Variants in RIPK2 observed in about 807,000 individuals in gnomAD.
RIPK2 encodes the protein receptor interacting serine/threonine kinase 2.
In RIPK2, 38 loss-of-function variants were observed where a neutral mutation model predicts 60.9. The observed-to-expected ratio is 0.62, with a 90% confidence interval of 0.48 to 0.82. RIPK2 has a LOEUF of 0.82. Among genes scored for constraint, RIPK2 ranks in the 40% least tolerant of loss-of-function variants. The pLI, the probability that RIPK2 is intolerant of heterozygous loss-of-function variation, is 0.00. For missense variants in RIPK2, 518 were observed against 647.0 expected, an observed-to-expected ratio of 0.80 and a Z score of 2.16; for synonymous variants, 225 against 223.4, an observed-to-expected ratio of 1.01 and a Z score of -0.06.
Position 89,780,091 on chromosome 8 carries a change from T to G in RIPK2, c.870T>G (p.Leu290=), listed in dbSNP as rs758984676. Residue 290 remains leucine, a synonymous_variant, in exon 7 of 11, where the codon CTT becomes CTG. Transcript: ENST00000220751. ...CTTATGTAGAATGTTTAATAGAACTTGAACCAGTTTTGAGAACATTTGAAG... is the reference window on the plus strand; with the variant it reads ...CTTATGTAGAATGTTTAATAGAACTGGAACCAGTTTTGAGAACATTTGAAG... The part of the protein sequence containing the change: ...RPSFLKCLIE[L]EPVLRTFEEI... 6.4e-7 allele frequency: 1 copy of G among 1,551,242 alleles called. No individual in the cohort carries two copies. Among genetic ancestry groups the G allele is most frequent in the South Asian group, 1.2e-5 (1 of 84,964 alleles).
At chr8:89,766,958 T>C in intron 3 of RIPK2, among the ~76,000 whole-genome samples, 1 of 151,778 alleles carries the variant, frequency 6.6e-6, no homozygotes, top group African/African-American at 2.4e-5. Context: ...TAGTTTGTCT[T>C]TTCATCCTTT....
At chr8:89,770,340 T>C (rs1307811501) in intron 4 of RIPK2, among the ~76,000 whole-genome samples, 2 of 151,886 alleles carry the variant, frequency 1.3e-5, no homozygotes, top group Non-Finnish European at 2.9e-5. Context: ...ACTGGGGATA[T>C]TTCTATTTAA....
Position 89,758,171 on chromosome 8 carries a change from C to T in RIPK2, c.111C>T (p.His37=), listed in dbSNP as rs201130149. ...GASGTVSSAR[H]ADWRVQVAVK... is the part of the protein sequence containing the mutation. ...CTGGCACTGTGTCGTCCGCCCGCCA[C>T]GCAGACTGGCGCGTCCAGGTGGCCG... Residue 37 remains histidine (H), a synonymous_variant, in exon 1 of 11, where the codon CAC becomes CAT. Transcript: ENST00000220751. 6.2e-7 allele frequency: 1 copy of T among 1,609,976 alleles called. No individual in the cohort carries two copies. Among genetic ancestry groups the T allele is most frequent in the Non-Finnish European group, 8.5e-7 (1 of 1,178,712 alleles).
chr8:89,771,827 C>T, intron 5 of RIPK2, 37 bp downstream of exon 5: 3 of 1,300,962 alleles, frequency 2.3e-6, no homozygotes, highest in Non-Finnish European at 3.3e-6. Flanking sequence ...TCAATAACAT[C>T]ATGTTAGTAG....
intron 9 of RIPK2, among the ~76,000 whole-genome samples, chr8:89,787,662 G>T (rs1360435069): frequency 6.6e-6 from 1 of 152,212 alleles, no homozygotes; most frequent in East Asian, 1.9e-4. Context: ...ATATCATCAA[G>T]AATTCTAACT....
rs1191080632 is a variant in RIPK2 at position 89,790,401 on chromosome 8, A to G, written c.1608A>G (p.Gln536=). 3 of 1,594,288 alleles carry G rather than the reference A, an allele frequency of 1.9e-6. No homozygotes were observed. Among genetic ancestry groups the G allele is most frequent in the African/African-American group, 1.4e-5 (1 of 73,938 alleles). The change falls in exon 11 of 11, where the codon CAA becomes CAG. Residue 536 remains glutamine (Q), a synonymous_variant. Coordinates refer to ENST00000220751, the MANE Select transcript of RIPK2 (RefSeq NM_003821.6). ...GATCACCATCTTTAAATTTACTTCA[A>G]AATAAAAGCATGTAAGTGACTGTTT... ...VSRSPSLNLL[Q]NKSM is the part of the protein sequence containing the mutation.
intron 1 of RIPK2, among the ~76,000 whole-genome samples, chr8:89,758,888 T>C (rs563033218): frequency 6.6e-6 from 1 of 152,376 alleles, no homozygotes; most frequent in African/African-American, 2.4e-5. Flanking sequence ...TTCTTTTTAC[T>C]TTATGTGGCC....
intron 6 of RIPK2, among the ~76,000 whole-genome samples, chr8:89,777,686 T>C (rs1809421609): frequency 6.6e-6 from 1 of 152,180 alleles, no homozygotes; most frequent in African/African-American, 2.4e-5. Context: ...GTTTTGTTGT[T>C]ATTGTTAGGT....
rs1327127290 is a variant in RIPK2 at position 89,758,250 on chromosome 8, G to T, written c.173+17G>T. ...GCTCGACAGGTAGGCAGTCACTGGGGTTCCCTGGAAGAGCCCTCAACTCCT... is the reference window on the plus strand; with the variant it reads ...GCTCGACAGGTAGGCAGTCACTGGGTTTCCCTGGAAGAGCCCTCAACTCCT... On this transcript the variant is annotated intron_variant, in intron 1 of 10. Coordinates refer to ENST00000220751, the MANE Select transcript of RIPK2 (RefSeq NM_003821.6). The T allele has an allele frequency of 1.0e-5, 16 of 1,585,222 alleles. No individual in the cohort carries two copies. Among genetic ancestry groups the T allele is most frequent in the Non-Finnish European group, 1.3e-5 (15 of 1,166,430 alleles).
At chr8:89,788,331 A>C (rs989809634) in intron 9 of RIPK2, among the ~76,000 whole-genome samples, 22 of 151,406 alleles carry the variant, frequency 1.5e-4, no homozygotes, top group African/African-American at 5.4e-4. Context: ...TGACAGAGCA[A>C]GATTCTATCT....
At chr8:89,789,971 A>T (rs574736117) in intron 10 of RIPK2, 108 bp from the exon 11 acceptor site, 1 of 793,984 alleles carries the variant, frequency 1.3e-6, no homozygotes, top group East Asian at 2.7e-5. Flanking sequence ...TATTGGCACA[A>T]TCATAGGAAA....
In RIPK2 at chr8:89,772,708, G is replaced by A; in HGVS notation, c.733G>A (p.Gly245Arg). ...PLQIMYSVSQGHRPVINEESL... is the reference protein window; with the variant it reads ...PLQIMYSVSQRHRPVINEESL... ...GCAGATAATGTATAGTGTGTCACAA[G>A]GACATCGACCTGTTATTAATGAAGA... Residue 245 changes from glycine to arginine, a missense_variant, in exon 6 of 11, where the codon GGA (glycine) becomes AGA (arginine). Physicochemically the swap from Gly to Arg is moderately radical, Grantham distance 125 (BLOSUM62 -2). Coordinates refer to ENST00000220751, the MANE Select transcript of RIPK2 (RefSeq NM_003821.6). The A allele has an allele frequency of 6.2e-7, 1 of 1,611,338 alleles. No homozygotes were observed. The highest frequency in any genetic ancestry group is 8.5e-7 in the Non-Finnish European group (1 of 1,178,174).
intron 8 of RIPK2, among the ~76,000 whole-genome samples, chr8:89,785,239 C>T (rs1809566402): frequency 6.6e-6 from 1 of 152,116 alleles, no homozygotes; most frequent in Non-Finnish European, 1.5e-5. Flanking sequence ...CTTTGGGAGG[C>T]CAAGGTGGGT....
chr8:89,761,726 G>T (rs2130542352), intron 1 of RIPK2, among the ~76,000 whole-genome samples: 1 of 138,462 alleles, frequency 7.2e-6, no homozygotes, highest in African/African-American at 2.7e-5. Context: ...AAAAAAAAAA[G>T]TTTCCAGTGT....
In RIPK2 at chr8:89,757,958, T is replaced by C; in HGVS notation, c.-103T>C. 1 of 1,418,116 alleles carries C rather than the reference T, an allele frequency of 7.1e-7. No individual in the cohort carries two copies. The highest frequency in any genetic ancestry group is 9.2e-7 in the Non-Finnish European group (1 of 1,087,898). The allele number at this position is 1,418,116 out of a possible 1,614,324, so 87.8% of individuals were successfully genotyped here. A position where few individuals can be genotyped will look rare whatever the true frequency, so the allele number is the denominator to read the frequency against. On this transcript the variant is annotated 5_prime_UTR_variant, in exon 1 of 11. Transcript: ENST00000220751. ...CGGGGCAAAAAGGGTCTTGCCGGCC[T>C]CGCTCGTGCAGGGGCGTATCTGGGC...
chr8:89,786,770 T>A (rs1431172216), intron 9 of RIPK2, 84 bp downstream of exon 9: 1 of 794,828 alleles, frequency 1.3e-6, no homozygotes, highest in Non-Finnish European at 2.2e-6. Context: ...TCATGATTTC[T>A]ATGGAACTTT....
chr8:89,784,765 G>A (rs1031297353), intron 8 of RIPK2, among the ~76,000 whole-genome samples: 4 of 152,146 alleles, frequency 2.6e-5, no homozygotes, highest in African/African-American at 7.2e-5. Context: ...ATACCTAAGA[G>A]TAGGTAATTT....
Position 89,786,576 on chromosome 8 carries a change from T to C in RIPK2, c.1030-17T>C. 7.2e-7 allele frequency: 1 copy of C among 1,380,966 alleles called. No homozygotes were observed. Among genetic ancestry groups the C allele is most frequent in the Non-Finnish European group, 1.0e-6 (1 of 985,068 alleles). The allele number at this position is 1,380,966 out of a possible 1,614,324, so 85.5% of individuals were successfully genotyped here. A position where few individuals can be genotyped will look rare whatever the true frequency, so the allele number is the denominator to read the frequency against. On this transcript the variant is annotated splice_polypyrimidine_tract_variant and intron_variant, in intron 8 of 10. Transcript: ENST00000220751. Reference sequence around the variant, plus strand: ...AATTTTTATTAACCTAAACCCTTTATTTTTTATTTACTTTAGGAATCATGT... The same window carrying C: ...AATTTTTATTAACCTAAACCCTTTACTTTTTATTTACTTTAGGAATCATGT...
intron 6 of RIPK2, among the ~76,000 whole-genome samples, chr8:89,778,099 TA>T (rs1809431515): frequency 6.6e-6 from 1 of 151,512 alleles, no homozygotes; most frequent in Non-Finnish European, 1.5e-5. Context: ...CTTGAAAAAC[TA>T]AAAGCAAGCA....
Sources: gnomAD v4.1 joint callset for allele counts (sites outside exome capture counted in the v4.1 genomes callset) on GRCh38, gnomAD v4.1.1 for gene constraint, MANE v1.5 for transcripts, NCBI Gene and HGNC (gene_info 2026-07-23, HGNC 2026-07-21) for gene names.